CMTM8: variants seen among roughly 807,000 people sequenced by gnomAD.
The protein encoded by CMTM8 is CKLF like MARVEL transmembrane domain containing 8, also known as CKLF-like MARVEL transmembrane domain-containing protein 8.
In CMTM8, 12 loss-of-function variants were observed where a neutral mutation model predicts 18.6. The ratio of observed to expected loss-of-function variants is 0.65; its 90% CI spans 0.41 to 1.05. CMTM8 has a LOEUF of 1.05. CMTM8 is among the 50% of genes least tolerant of loss of function. The pLI is 0.00. For synonymous variants in CMTM8, 87 were observed against 90.6 expected, an observed-to-expected ratio of 0.96 and a Z score of 0.23; for missense variants, 217 against 227.2, an observed-to-expected ratio of 0.95 and a Z score of 0.29.
In CMTM8 at chr3:32,358,283, G is replaced by A. The variant is rs1411242376; in HGVS notation, c.321+737G>A. On this transcript the variant is annotated intron_variant, in intron 2 of 3. Transcript: ENST00000307526. The surrounding 1 kb of genome is among the most constrained non-coding windows in gnomAD (Gnocchi z 4.1). ...GACATTTAGCTTCATCCTGGAGATC[G>A]AACACACACATCCTAAGTGGATTCA... Among the ~76,000 whole-genome samples, 1 of 152,194 alleles carries A rather than the reference G, an allele frequency of 6.6e-6. No homozygotes were observed. Among genetic ancestry groups the A allele is most frequent in the Admixed American group, 6.5e-5 (1 of 15,274 alleles).
At position 32,369,332 on chromosome 3, in the gene CMTM8, G is replaced by A. The variant is rs9826838; in HGVS notation, c.439-552G>A. Among the ~76,000 whole-genome samples, 1,411 of 152,198 alleles carry A rather than the reference G, an allele frequency of 9.3e-3. 18 individuals are homozygous for A. Among genetic ancestry groups the A allele is most frequent in the African/African-American group, 0.032 (1,344 of 41,524 alleles). On this transcript the variant is annotated intron_variant, in intron 3 of 3. Transcript: ENST00000307526. ...TCCGTCTCGAAAAAACAAAATAAAAGTAGAGCATATGGATGCCGGTGACAT... is the reference window on the plus strand; with the variant it reads ...TCCGTCTCGAAAAAACAAAATAAAAATAGAGCATATGGATGCCGGTGACAT...
intron 1 of CMTM8, among the ~76,000 whole-genome samples, chr3:32,314,151 A>G (rs1695876720): frequency 6.6e-6 from 1 of 152,218 alleles, no homozygotes; most frequent in Non-Finnish European, 1.5e-5. Flanking sequence ...ACACCCTACA[A>G]AAGTAAAGCA....
In CMTM8 at chr3:32,344,364, C is replaced by CA. The variant is rs1169675070; in HGVS notation, c.148-13007dup. On this transcript the variant is annotated intron_variant, in intron 1 of 3. Transcript: ENST00000307526. ...TTTCAATAATGGTGCTCCTGCCAGT[C>CA]AAGACTAAAGTCAAAAATAAATCAG... 5.3e-5 allele frequency among the ~76,000 whole-genome samples: 8 copies of CA among 152,276 alleles called. No individual in the cohort carries two copies. In the East Asian group the frequency reaches 1.5e-3, roughly 29 times the overall value.
intron 1 of CMTM8, among the ~76,000 whole-genome samples, chr3:32,321,773 A>AT (rs1696059561): frequency 6.6e-6 from 1 of 151,772 alleles, no homozygotes; most frequent in Non-Finnish European, 1.5e-5. Context: ...ATTTTTTTCC[A>AT]TTTTTTGTAG....
At chr3:32,307,097 T>G (rs1028793572) in intron 1 of CMTM8, among the ~76,000 whole-genome samples, 6 of 146,488 alleles carry the variant, frequency 4.1e-5, no homozygotes, top group African/African-American at 1.5e-4. Flanking sequence ...ATCCCAGCAC[T>G]TTGGGAGGCC....
At chr3:32,348,529 CTTT>C (rs56252781) in intron 1 of CMTM8, among the ~76,000 whole-genome samples, 1 of 102,036 alleles carries the variant, frequency 9.8e-6, no homozygotes, top group Non-Finnish European at 1.9e-5. Flanking sequence ...CTTCCTGGAA[CTTT>C]TTTTTTTTTT....
Position 32,302,020 on chromosome 3 carries a change from CTTT to C in CMTM8, c.148-55343_148-55341del, listed in dbSNP as rs986285726. Among the ~76,000 whole-genome samples, 119 of 144,830 alleles carry C rather than the reference CTTT, an allele frequency of 8.2e-4. 1 individual carries two copies. Among genetic ancestry groups the C allele is most frequent in the African/African-American group, 2.9e-3 (115 of 39,716 alleles). On this transcript the variant is annotated intron_variant, in intron 1 of 3. Coordinates refer to ENST00000307526, the MANE Select transcript of CMTM8 (RefSeq NM_178868.5). ...ATTAAGAGTGATCACTGATTGCTGA[CTTT>C]TTTTTTTTTCTTAATAAGAATAGCA...
intron 1 of CMTM8, among the ~76,000 whole-genome samples, chr3:32,258,414 T>C (rs1702203906): frequency 6.6e-6 from 1 of 152,234 alleles, no homozygotes; most frequent in South Asian, 2.1e-4. Flanking sequence ...CTTATAGACA[T>C]TTTGAACATA....
chr3:32,291,160 G>A (rs907678135), intron 1 of CMTM8, among the ~76,000 whole-genome samples: 24 of 151,062 alleles, frequency 1.6e-4, no homozygotes, highest in African/African-American at 5.4e-4. Context: ...ACAGAGTCTC[G>A]TTCTCTCTCT....
At chr3:32,315,078 G>T (rs1695894153) in intron 1 of CMTM8, among the ~76,000 whole-genome samples, 1 of 151,862 alleles carries the variant, frequency 6.6e-6, no homozygotes, top group Non-Finnish European at 1.5e-5. Flanking sequence ...AGTGCTGTGG[G>T]GAAACAAAGG....
At chr3:32,313,555 T>G (rs1198225427) in intron 1 of CMTM8, among the ~76,000 whole-genome samples, 2 of 152,132 alleles carry the variant, frequency 1.3e-5, no homozygotes, top group East Asian at 3.9e-4. Context: ...GGTGCCCACC[T>G]TGGCCTCCCA....
intron 1 of CMTM8, among the ~76,000 whole-genome samples, chr3:32,314,258 G>C (rs1267952108): frequency 2.0e-5 from 3 of 152,194 alleles, no homozygotes; most frequent in African/African-American, 4.8e-5. Flanking sequence ...TGGTTATTAT[G>C]ACATGAGAGC....
intron 1 of CMTM8, among the ~76,000 whole-genome samples, chr3:32,263,187 C>T (rs1702281255): frequency 1.3e-5 from 2 of 152,222 alleles, no homozygotes; most frequent in African/African-American, 2.4e-5. Context: ...AGTAGCCTAA[C>T]TGGGAGGCAC....
At chr3:32,267,294 C>A (rs550135470) in intron 1 of CMTM8, among the ~76,000 whole-genome samples, 5 of 152,182 alleles carry the variant, frequency 3.3e-5, no homozygotes, top group South Asian at 2.1e-4. Context: ...AGAAATAATG[C>A]CACACATCTA....
intron 1 of CMTM8, among the ~76,000 whole-genome samples, chr3:32,299,532 T>C (rs1481956801): frequency 1.3e-5 from 2 of 152,226 alleles, no homozygotes; most frequent in Non-Finnish European, 2.9e-5. Flanking sequence ...CTGGGGTACA[T>C]GAGATGTTTT....
At chr3:32,275,666 T>TTGGG (rs144431874) in intron 1 of CMTM8, among the ~76,000 whole-genome samples, 1 of 93,388 alleles carries the variant, frequency 1.1e-5, no homozygotes, top group African/African-American at 3.9e-5. Context: ...TTTTTTTTTT[T>TTGGG]GGGGACAGAG....
chr3:32,310,463 G>C (rs1229623897), intron 1 of CMTM8, among the ~76,000 whole-genome samples: 1 of 152,232 alleles, frequency 6.6e-6, no homozygotes, highest in Admixed American at 6.5e-5. Flanking sequence ...CCTTGCCAAT[G>C]AGGGGTGCCA....
At chr3:32,317,912 G>A (rs377305226) in intron 1 of CMTM8, among the ~76,000 whole-genome samples, 8 of 151,960 alleles carry the variant, frequency 5.3e-5, no homozygotes, top group South Asian at 2.1e-4. Context: ...AAAATTAGCC[G>A]GGCATGGTTG....
At position 32,357,373 on chromosome 3, in the gene CMTM8, G is replaced by A; in HGVS notation, c.148G>A (p.Val50Ile). The part of the protein sequence containing the change: ...LPGFLIVAEI[V>I]LGLLVWTLIA... Reference sequence around the variant, plus strand: ...CTCCACTGCTTCTACCACTTTACAGGTTCTGGGGCTGCTGGTATGGACGCT... The same window carrying A: ...CTCCACTGCTTCTACCACTTTACAGATTCTGGGGCTGCTGGTATGGACGCT... Residue 50 changes from valine to isoleucine, a missense_variant and splice_region_variant, in exon 2 of 4, where the codon GTT becomes ATT. Val to Ile is a conservative substitution (Grantham distance 29). Coordinates refer to ENST00000307526, the MANE Select transcript of CMTM8 (RefSeq NM_178868.5). The A allele has an allele frequency of 6.2e-7, 1 of 1,612,820 alleles. No individual in the cohort carries two copies. Among genetic ancestry groups the A allele is most frequent in the South Asian group, 1.1e-5 (1 of 90,994 alleles).
Sources: allele counts gnomAD v4.1 joint callset (sites outside exome capture counted in the v4.1 genomes callset), GRCh38; gene constraint gnomAD v4.1.1; non-coding constraint Gnocchi (gnomAD v3.1); transcripts MANE v1.5; gene names NCBI Gene and HGNC (gene_info 2026-07-23, HGNC 2026-07-21).